MN1: variants seen among roughly 807,000 people sequenced by gnomAD.
MN1 encodes MN1 proto-oncogene, transcriptional regulator, also known as transcriptional activator MN1.
MN1 carries 19 observed loss-of-function variants against 86.9 expected under a neutral mutation model. The observed-to-expected ratio is 0.22, with a 90% confidence interval of 0.15 to 0.32. MN1 has a LOEUF of 0.32. Among genes scored for constraint, MN1 ranks in the 10% least tolerant of loss-of-function variants. The pLI, the probability that MN1 is intolerant of heterozygous loss-of-function variation, is 1.00. For synonymous variants in MN1, 928 were observed against 849.6 expected, an observed-to-expected ratio of 1.09 and a Z score of -1.60; for missense variants, 1,841 against 1,862.0, an observed-to-expected ratio of 0.99 and a Z score of 0.21.
At chr22:27,762,176 T>C (rs1190290580) in intron 1 of MN1, among the ~76,000 whole-genome samples, 1 of 152,194 alleles carries the variant, frequency 6.6e-6, no homozygotes, top group Non-Finnish European at 1.5e-5. Flanking sequence ...CTGACCTGTA[T>C]GCTGCTAAGA....
In MN1 at chr22:27,800,164, C is replaced by T; in HGVS notation, c.380G>A (p.Cys127Tyr). Residue 127 changes from cysteine (C) to tyrosine (Y), a missense_variant, in exon 1 of 2, where the codon TGC (cysteine) becomes TAC (tyrosine). Transcript: ENST00000302326. Reference sequence around the variant, plus strand: ...GCCGAGCAGGCGACCCCCGTGCAGGCACGAGGCCCCGGGGTCCGGGCCACC... The same window carrying T: ...GCCGAGCAGGCGACCCCCGTGCAGGTACGAGGCCCCGGGGTCCGGGCCACC... ...NFGGPDPGAS[C>Y]LHGGRLLGYG... is the part of the protein sequence containing the mutation. 2 of 1,547,640 alleles carry T rather than the reference C, an allele frequency of 1.3e-6. No individual in the cohort carries two copies. Among genetic ancestry groups the T allele is most frequent in the South Asian group, 2.5e-5 (2 of 81,086 alleles).
Position 27,748,512 on chromosome 22 carries a change from A to C in MN1, c.*2403T>G. On this transcript the variant is annotated 3_prime_UTR_variant, in exon 2 of 2. Transcript: ENST00000302326. ...GATTGCCTAACACACAGCAGAGTTA[A>C]GTTTTCATATTTTACATGTGCAATA... 1 of 201,432 alleles carries C rather than the reference A, an allele frequency of 5.0e-6. No homozygotes were observed. The highest frequency in any genetic ancestry group is 1.0e-5 in the Non-Finnish European group (1 of 97,474). The allele number at this position is 201,432 out of a possible 1,614,324, so 12.5% of individuals were successfully genotyped here. A position where few individuals can be genotyped will look rare whatever the true frequency, so the allele number is the denominator to read the frequency against.
intron 1 of MN1, among the ~76,000 whole-genome samples, chr22:27,777,702 TACAC>T (rs35992247): frequency 6.7e-6 from 1 of 148,614 alleles, no homozygotes; most frequent in African/African-American, 2.5e-5. Context: ...CTACTAAAAA[TACAC>T]ACACACACAC....
chr22:27,751,183 C>G, intron 1 of MN1, 87 bp from the exon 2 acceptor site: 1 of 1,179,868 alleles, frequency 8.5e-7, no homozygotes, highest in Non-Finnish European at 1.2e-6. Flanking sequence ...CAGAGGCATA[C>G]AAGACAGGCA....
chr22:27,777,809 G>A (rs1258346089), intron 1 of MN1, among the ~76,000 whole-genome samples: 1 of 151,804 alleles, frequency 6.6e-6, no homozygotes, highest in Non-Finnish European at 1.5e-5. Flanking sequence ...CCAGAAGGCG[G>A]AGGATGCAAT....
At chr22:27,761,218 T>C (rs885989) in intron 1 of MN1, among the ~76,000 whole-genome samples, 34,010 of 150,782 alleles carry the variant, frequency 0.23, 4,190 homozygotes, top group Middle Eastern at 0.31. Flanking sequence ...TCGCTCTCTC[T>C]CTTTCTCTCT....
At position 27,796,909 on chromosome 22, in the gene MN1, C is replaced by T. The variant is rs1601343566; in HGVS notation, c.3635G>A (p.Ser1212Asn). 6.2e-7 allele frequency: 1 copy of T among 1,613,050 alleles called. No individual in the cohort carries two copies. The highest frequency in any genetic ancestry group is 2.2e-5 in the East Asian group (1 of 44,874). ...CATCAGCGAGTCCAGGTCAATGGTG[C>T]TCATGGCGCTCTTGACCGCCTCGGA... is the stretch of plus-strand genomic sequence containing the variant. Reference protein sequence around the residue: ...CCSEAVKSAMSTIDLDSLMAE... With the variant: ...CCSEAVKSAMNTIDLDSLMAE... The change falls in exon 1 of 2, where the codon AGC becomes AAC. Residue 1212 changes from serine (S) to asparagine (N), a missense_variant. Coordinates refer to ENST00000302326, the MANE Select transcript of MN1 (RefSeq NM_002430.3).
chr22:27,754,043 T>C (rs1455797178), intron 1 of MN1, among the ~76,000 whole-genome samples: 1 of 152,088 alleles, frequency 6.6e-6, no homozygotes, highest in Non-Finnish European at 1.5e-5. Flanking sequence ...TGAGCCCACT[T>C]TACAGATGAG....
intron 1 of MN1, among the ~76,000 whole-genome samples, chr22:27,757,991 C>T (rs1270907165): frequency 6.6e-6 from 1 of 152,100 alleles, no homozygotes; most frequent in African/African-American, 2.4e-5. Context: ...CTACCCCACC[C>T]TGGCCCACAT....
chr22:27,752,394 G>T (rs1932773671), intron 1 of MN1, among the ~76,000 whole-genome samples: 1 of 152,210 alleles, frequency 6.6e-6, no homozygotes, highest in Admixed American at 6.5e-5. Flanking sequence ...GCTACTACGT[G>T]AAAGGACTCT....
Position 27,797,739 on chromosome 22 carries a change from G to C in MN1, c.2805C>G (p.Val935=), listed in dbSNP as rs1244352502. The change falls in exon 1 of 2, where the codon GTC becomes GTG. Residue 935 remains valine (V), a synonymous_variant. Coordinates refer to ENST00000302326, the MANE Select transcript of MN1 (RefSeq NM_002430.3). ...ESTSGNDGKP[V]SGGGGRGRGR... The stretch of plus-strand genomic sequence containing the variant: ...CCCGTCCCCGGCCGCCGCCCCCGGA[G>C]ACCGGCTTGCCGTCATTCCCCGACG... 3 of 1,609,368 alleles carry C rather than the reference G, an allele frequency of 1.9e-6. No homozygotes were observed. The highest frequency in any genetic ancestry group is 2.5e-6 in the Non-Finnish European group (3 of 1,178,782).
At chr22:27,752,180 A>C (rs932544222) in intron 1 of MN1, among the ~76,000 whole-genome samples, 4 of 152,220 alleles carry the variant, frequency 2.6e-5, no homozygotes, top group African/African-American at 4.8e-5. Flanking sequence ...ACCCGAGGCC[A>C]GTCCCCTCCT....
rs1274917050 is a variant in MN1 at position 27,748,322 on chromosome 22, CAT to C, written c.*2591_*2592del. 5.7e-6 allele frequency: 1 copy of C among 176,768 alleles called. No individual in the cohort carries two copies. Among genetic ancestry groups the C allele is most frequent in the Non-Finnish European group, 1.2e-5 (1 of 81,884 alleles). 10.9% of individuals were successfully genotyped at this position (176,768 alleles called of 1,614,324 possible). On this transcript the variant is annotated 3_prime_UTR_variant, in exon 2 of 2. Coordinates refer to ENST00000302326, the MANE Select transcript of MN1 (RefSeq NM_002430.3). ...ATTGTTATTTAACTGCTCAGGAAAA[CAT>C]ATACAGGTATATACAATATGCAGGA...
rs538659368 is a variant in MN1, at chr22:27,758,974, C to T, written c.3782-7878G>A. Among the ~76,000 whole-genome samples the T allele has an allele frequency of 8.1e-4, 123 of 152,228 alleles. 1 individual carries two copies. The highest frequency in any genetic ancestry group is 2.9e-3 in the African/African-American group (121 of 41,552). On this transcript the variant is annotated intron_variant, in intron 1 of 1. Coordinates refer to ENST00000302326, the MANE Select transcript of MN1 (RefSeq NM_002430.3). ...CCAAGTAGCTGGGACTACAGGCATGCGCCACCACGCCCGGCTAATTCTTGT... is the reference window on the plus strand; with the variant it reads ...CCAAGTAGCTGGGACTACAGGCATGTGCCACCACGCCCGGCTAATTCTTGT...
chr22:27,800,427 G>C lies in MN1; in HGVS notation c.117C>G (p.Phe39Leu). The part of the protein sequence containing the change: ...SMNTHFKAPA[F>L]HTGGPPGPVD... The stretch of plus-strand genomic sequence containing the variant: ...CAGGGCCAGGGGGCCCCCCAGTGTG[G>C]AAAGCCGGGGCCTTAAAGTGGGTGT... The change falls in exon 1 of 2, where the codon TTC (phenylalanine) becomes TTG (leucine). Residue 39 changes from phenylalanine (F) to leucine (L), a missense_variant. Transcript: ENST00000302326. 6.2e-7 allele frequency: 1 copy of C among 1,614,222 alleles called. No homozygotes were observed. The highest frequency in any genetic ancestry group is 1.3e-5 in the African/African-American group (1 of 75,080).
In MN1 at chr22:27,797,826, C is replaced by A. The variant is rs570802458; in HGVS notation, c.2718G>T (p.Pro906=). 8.2e-6 allele frequency: 13 copies of A among 1,579,744 alleles called. No individual in the cohort carries two copies. The African/African-American group carries it at 9.4e-5, about 11-fold the overall frequency. Residue 906 remains proline (P), a synonymous_variant, in exon 1 of 2, where the codon CCG becomes CCT. Coordinates refer to ENST00000302326, the MANE Select transcript of MN1 (RefSeq NM_002430.3). Reference sequence around the variant, plus strand: ...CGTCCCCCTGGGCTGGAGGGTTGGGCGGCCCCGAGGCTTTGGAGCCGCTGC... The same window carrying A: ...CGTCCCCCTGGGCTGGAGGGTTGGGAGGCCCCGAGGCTTTGGAGCCGCTGC... ...TSSSGSKASG[P]PNPPAQGDGT...
chr22:27,788,057 C>T (rs1038649362), intron 1 of MN1, among the ~76,000 whole-genome samples: 1 of 152,226 alleles, frequency 6.6e-6, no homozygotes, highest in African/African-American at 2.4e-5. Context: ...GTAATTCATA[C>T]ACCCTCAGCC....
At chr22:27,759,117 C>T (rs1932818582) in intron 1 of MN1, among the ~76,000 whole-genome samples, 2 of 152,148 alleles carry the variant, frequency 1.3e-5, no homozygotes, top group African/African-American at 4.8e-5. Flanking sequence ...CATGAGCCAC[C>T]GTGCTCAGTC....
intron 1 of MN1, among the ~76,000 whole-genome samples, chr22:27,783,893 C>T (rs1933086928): frequency 6.6e-6 from 1 of 152,220 alleles, no homozygotes; most frequent in South Asian, 2.1e-4. Context: ...GCAGGGAAAA[C>T]TGGGTCAGCA....
Sources: gnomAD v4.1 joint callset for allele counts (sites outside exome capture counted in the v4.1 genomes callset) on GRCh38, gnomAD v4.1.1 for gene constraint, MANE v1.5 for transcripts, NCBI Gene and HGNC (gene_info 2026-07-23, HGNC 2026-07-21) for gene names.